AFG1L: variants seen among roughly 807,000 people sequenced by gnomAD.
The protein encoded by AFG1L is AFG1 like ATPase.
A neutral mutation model predicts 62.2 loss-of-function variants in AFG1L; 53 were observed. The observed-to-expected ratio is 0.85, with a 90% CI of 0.68 to 1.07. AFG1L has a LOEUF of 1.07. AFG1L is among the 50% of genes least tolerant of loss of function. AFG1L has a pLI of 0.00. For synonymous variants in AFG1L, 228 were observed against 210.3 expected, an observed-to-expected ratio of 1.08 and a Z score of -0.73; for missense variants, 555 against 590.5, an observed-to-expected ratio of 0.94 and a Z score of 0.62.
At chr6:108,331,446 A>C (rs1356990408) in intron 2 of AFG1L, among the ~76,000 whole-genome samples, 1 of 152,222 alleles carries the variant, frequency 6.6e-6, no homozygotes, top group African/African-American at 2.4e-5. Context: ...TTATTAACCA[A>C]GGTGATAAAA....
intron 6 of AFG1L, among the ~76,000 whole-genome samples, chr6:108,382,289 C>T (rs1029774384): frequency 3.9e-5 from 6 of 152,066 alleles, no homozygotes; most frequent in East Asian, 1.9e-4. Flanking sequence ...TGTGAGCCAC[C>T]GCGCCTGGCT....
rs374947584 is a variant in AFG1L at position 108,425,416 on chromosome 6, A to ATG, written c.808-21782_808-21781dup. Among the ~76,000 whole-genome samples, 101 of 150,848 alleles carry ATG rather than the reference A, an allele frequency of 6.7e-4. 1 individual carries two copies. The highest frequency in any genetic ancestry group is 3.4e-3 in the Middle Eastern group (1 of 290). ...TACCAGCCTTACCTATAAATAGTGT[A>ATG]TGTGTGTGTGTGTGTGTATGTGTAT... is the stretch of plus-strand genomic sequence containing the variant. On this transcript the variant is annotated intron_variant, in intron 7 of 12. Coordinates refer to ENST00000368977, the MANE Select transcript of AFG1L (RefSeq NM_145315.5).
At chr6:108,319,871 C>T in intron 1 of AFG1L, 1 of 336,310 alleles carries the variant, frequency 3.0e-6, no homozygotes, top group Non-Finnish European at 6.0e-6. Context: ...GTTGTGTTAA[C>T]CCTTTTCTGC....
At chr6:108,351,963 A>T (rs1171558960) in intron 3 of AFG1L, among the ~76,000 whole-genome samples, 1 of 152,218 alleles carries the variant, frequency 6.6e-6, no homozygotes, top group Non-Finnish European at 1.5e-5. Context: ...GGTAAAACAC[A>T]TTACATAAAA....
intron 10 of AFG1L, among the ~76,000 whole-genome samples, chr6:108,495,465 C>G (rs1031166888): frequency 6.6e-6 from 1 of 152,178 alleles, no homozygotes; most frequent in Non-Finnish European, 1.5e-5. Context: ...GAAACTCCAG[C>G]TGACAGCTCA....
intron 1 of AFG1L, among the ~76,000 whole-genome samples, chr6:108,312,327 C>G (rs945553232): frequency 3.3e-5 from 5 of 152,056 alleles, no homozygotes; most frequent in African/African-American, 1.2e-4. Context: ...TCACTTGAGG[C>G]TAGAAGTTCA....
intron 1 of AFG1L, among the ~76,000 whole-genome samples, chr6:108,303,495 A>C (rs1777087794): frequency 6.6e-6 from 1 of 152,164 alleles, no homozygotes; most frequent in Admixed American, 6.5e-5. Flanking sequence ...TTCTCTGTTG[A>C]GGACCATTTC....
chr6:108,381,097 AG>A (rs1780493650), intron 6 of AFG1L, among the ~76,000 whole-genome samples: 1 of 152,260 alleles, frequency 6.6e-6, no homozygotes, highest in Admixed American at 6.5e-5. Flanking sequence ...CTTGGAAAAA[AG>A]CCAACCAAAA....
rs2114930021 is a variant in AFG1L at position 108,525,794 on chromosome 6, T to C, written c.*3369T>C. 6.6e-6 allele frequency: 1 copy of C among 152,346 alleles called. No homozygotes were observed. The highest frequency in any genetic ancestry group is 6.5e-5 in the Admixed American group (1 of 15,306). 9.4% of individuals were successfully genotyped at this position (152,346 alleles called of 1,614,324 possible). A position where few individuals can be genotyped will look rare whatever the true frequency, so the allele number is the denominator to read the frequency against. On this transcript the variant is annotated 3_prime_UTR_variant, in exon 13 of 13. Transcript: ENST00000368977. ...TAGCAAAGTGCTAACGTATTAAATT[T>C]TCCATTTCATTGCCTCTGTCCTGAA...
chr6:108,491,827 A>G (rs189630066), intron 10 of AFG1L, among the ~76,000 whole-genome samples: 112 of 152,332 alleles, frequency 7.4e-4, no homozygotes, highest in Admixed American at 2.2e-3. Context: ...GAGTATTTCC[A>G]TGATTTGGAA....
intron 11 of AFG1L, among the ~76,000 whole-genome samples, chr6:108,513,434 C>T (rs142507622): frequency 0.028 from 4,330 of 152,282 alleles, 95 homozygotes; most frequent in Middle Eastern, 0.088. Flanking sequence ...GCTTTTCCAA[C>T]AGTCTTAGCA....
At chr6:108,483,861 TATATC>T (rs1773421160) in intron 10 of AFG1L, among the ~76,000 whole-genome samples, 1 of 152,212 alleles carries the variant, frequency 6.6e-6, no homozygotes, top group African/African-American at 2.4e-5. Flanking sequence ...TAATCTTGAT[TATATC>T]ATATTAGTGT....
At position 108,524,152 on chromosome 6, in the gene AFG1L, T is replaced by A. The variant is rs1396403651; in HGVS notation, c.*1727T>A. On this transcript the variant is annotated 3_prime_UTR_variant, in exon 13 of 13. Coordinates refer to ENST00000368977, the MANE Select transcript of AFG1L (RefSeq NM_145315.5). ...AAAAAGAGATTGTTTTAAAAATTGA[T>A]TCATTTAACTCAGTGAATGAAGTTG... 6.6e-6 allele frequency: 1 copy of A among 152,240 alleles called. No individual in the cohort carries two copies. The highest frequency in any genetic ancestry group is 1.9e-4 in the East Asian group (1 of 5,206). The allele number at this position is 152,240 out of a possible 1,614,324, so 9.4% of individuals were successfully genotyped here.
chr6:108,387,162 G>A lies in AFG1L; in HGVS notation c.749-14834G>A, dbSNP rs375138764. Among the ~76,000 whole-genome samples the A allele has an allele frequency of 4.6e-5, 7 of 152,326 alleles. 1 individual carries two copies. Among genetic ancestry groups the A allele is most frequent in the Admixed American group, 3.3e-4 (5 of 15,308 alleles). Reference sequence around the variant, plus strand: ...TATAGCATCCAAACAGTAATGATACGATGGCTAACATGGATGTATTAGTGC... The same window carrying A: ...TATAGCATCCAAACAGTAATGATACAATGGCTAACATGGATGTATTAGTGC... On this transcript the variant is annotated intron_variant, in intron 6 of 12. Transcript: ENST00000368977.
At chr6:108,374,321 G>A (rs2114528159) in intron 6 of AFG1L, among the ~76,000 whole-genome samples, 1 of 152,242 alleles carries the variant, frequency 6.6e-6, no homozygotes, top group Middle Eastern at 3.4e-3. Context: ...CTTTTACTGT[G>A]CAGAAGTTCT....
intron 10 of AFG1L, among the ~76,000 whole-genome samples, chr6:108,488,955 AT>A (rs1415618095): frequency 6.6e-6 from 1 of 152,186 alleles, no homozygotes; most frequent in Non-Finnish European, 1.5e-5. Flanking sequence ...AGTAGCTCCT[AT>A]TTGATCAAAT....
rs543722975 is a variant in AFG1L, at chr6:108,475,573, T to C, written c.891-1292T>C. Among the ~76,000 whole-genome samples, 102 of 152,306 alleles carry C rather than the reference T, an allele frequency of 6.7e-4. 1 individual carries two copies. The Middle Eastern group carries it at 0.027, about 41-fold the overall frequency. ...GTCTCTAAAATTACTTTCTATAGTG[T>C]CATTTCATTATTTTAATACCACTCT... On this transcript the variant is annotated intron_variant, in intron 8 of 12. Coordinates refer to ENST00000368977, the MANE Select transcript of AFG1L (RefSeq NM_145315.5).
At chr6:108,318,751 C>A (rs986929137) in intron 1 of AFG1L, among the ~76,000 whole-genome samples, 2 of 152,158 alleles carry the variant, frequency 1.3e-5, no homozygotes, top group Non-Finnish European at 2.9e-5. Flanking sequence ...TTCCTAAAAT[C>A]TTTCATTTAT....
At chr6:108,364,590 C>T (rs979931613) in intron 5 of AFG1L, among the ~76,000 whole-genome samples, 3 of 152,046 alleles carry the variant, frequency 2.0e-5, no homozygotes, top group African/African-American at 7.2e-5. Flanking sequence ...TTTAAAAAGT[C>T]AGTGTATTGG....
Sources: allele counts gnomAD v4.1 joint callset (sites outside exome capture counted in the v4.1 genomes callset), GRCh38; gene constraint gnomAD v4.1.1; transcripts MANE v1.5; gene names NCBI Gene and HGNC (gene_info 2026-07-23, HGNC 2026-07-21).